FGD4: variants seen among roughly 807,000 people sequenced by gnomAD.
FGD4 encodes the protein FYVE, RhoGEF and PH domain containing 4.
A neutral mutation model predicts 102.0 loss-of-function variants in FGD4; 42 were observed. The ratio of observed to expected loss-of-function variants is 0.41; its 90% confidence interval spans 0.32 to 0.53. The LOEUF is 0.53. Ranked by LOEUF, FGD4 falls within the 20% of genes least tolerant of loss-of-function variation. The probability of loss-of-function intolerance (pLI) is 0.21; values close to 1 mark genes in which losing one functional copy is unlikely to be tolerated. For synonymous variants in FGD4, 380 were observed against 375.7 expected, an observed-to-expected ratio of 1.01 and a Z score of -0.13; for missense variants, 902 against 1,078.2, an observed-to-expected ratio of 0.84 and a Z score of 2.29.
intron 1 of FGD4, among the ~76,000 whole-genome samples, chr12:32,492,680 G>C (rs1944146471): frequency 6.6e-6 from 1 of 152,096 alleles, no homozygotes; most frequent in African/African-American, 2.4e-5. Flanking sequence ...ATGTGTAGAG[G>C]TATATGAATG....
intron 1 of FGD4, among the ~76,000 whole-genome samples, chr12:32,472,596 G>A (rs987215041): frequency 4.6e-5 from 7 of 152,224 alleles, no homozygotes; most frequent in East Asian, 1.9e-4. Flanking sequence ...GCTCCTGTGT[G>A]GCCCAAGCCT....
At chr12:32,402,474 A>T (rs914120481) in intron 1 of FGD4, among the ~76,000 whole-genome samples, 3 of 151,980 alleles carry the variant, frequency 2.0e-5, no homozygotes, top group Non-Finnish European at 4.4e-5. Flanking sequence ...TGTGTTGCCC[A>T]GGATAAGGCT....
At chr12:32,553,931 A>G (rs915463977) in intron 1 of FGD4, among the ~76,000 whole-genome samples, 2 of 152,102 alleles carry the variant, frequency 1.3e-5, no homozygotes, top group African/African-American at 2.4e-5. Flanking sequence ...AGAAACCCCA[A>G]TTTTTAAAAA....
intron 1 of FGD4, among the ~76,000 whole-genome samples, chr12:32,466,682 A>G (rs1166589824): frequency 2.6e-5 from 4 of 152,060 alleles, no homozygotes; most frequent in African/African-American, 9.7e-5. Flanking sequence ...AGCCTGGCCA[A>G]TATGGCGTAA....
intron 1 of FGD4, among the ~76,000 whole-genome samples, chr12:32,413,907 T>G (rs1005873111): frequency 6.6e-6 from 1 of 151,780 alleles, no homozygotes; most frequent in African/African-American, 2.4e-5. Context: ...CAGCCTCATC[T>G]TGTACTTTTG....
intron 1 of FGD4, among the ~76,000 whole-genome samples, chr12:32,529,273 C>T (rs116750671): frequency 9.9e-5 from 15 of 151,838 alleles, no homozygotes; most frequent in South Asian, 2.1e-4. Context: ...CACCACCACG[C>T]GCACCACCAC....
chr12:32,530,947 T>G (rs1473537079), intron 1 of FGD4, among the ~76,000 whole-genome samples: 1 of 122,606 alleles, frequency 8.2e-6, no homozygotes, highest in African/African-American at 3.4e-5. Flanking sequence ...TTTGGTTTTT[T>G]TTTTTTTTTT....
At chr12:32,569,975 G>A (rs1480621280) in intron 2 of FGD4, among the ~76,000 whole-genome samples, 1 of 152,114 alleles carries the variant, frequency 6.6e-6, no homozygotes, top group Non-Finnish European at 1.5e-5. Context: ...GGGCGTGGTG[G>A]CTCACGCCTG....
rs1387676067 is a variant in FGD4 at position 32,619,785 on chromosome 12, A to G, written c.1837A>G (p.Met613Val). Residue 613 changes from methionine to valine, a missense_variant, in exon 11 of 17, where the codon ATG (methionine) becomes GTG (valine). By Grantham distance (21) the Met-to-Val change is conservative (BLOSUM62 1). Around this residue, in one of 2 missense-constraint regions of FGD4, gnomAD observed 459 missense variants for 619.0 expected, o/e 0.74. Coordinates refer to ENST00000534526, the MANE Select transcript of FGD4 (RefSeq NM_001370298.3). ...TVRTRVGIDGMKIVETQNEEY... is the reference protein window; with the variant it reads ...TVRTRVGIDGVKIVETQNEEY... ...TCGAACCAGGGTTGGCATTGATGGA[A>G]TGAAAATTGTAGAGACTCAAAATGA... 2 of 1,614,176 alleles carry G rather than the reference A, an allele frequency of 1.2e-6. No homozygotes were observed. Among genetic ancestry groups the G allele is most frequent in the South Asian group, 1.1e-5 (1 of 91,082 alleles).
At chr12:32,468,754 T>C (rs1157031580) in intron 1 of FGD4, among the ~76,000 whole-genome samples, 1 of 152,146 alleles carries the variant, frequency 6.6e-6, no homozygotes, top group Non-Finnish European at 1.5e-5. Flanking sequence ...GAAGAAAAGA[T>C]ATTGTAACCA....
chr12:32,415,414 CTTTTTT>C (rs34612851), intron 1 of FGD4, among the ~76,000 whole-genome samples: 5 of 89,626 alleles, frequency 5.6e-5, no homozygotes, highest in Non-Finnish European at 2.0e-5. Flanking sequence ...ATCTGTCTCT[CTTTTTT>C]TTTTTTTTTT....
intron 2 of FGD4, among the ~76,000 whole-genome samples, chr12:32,569,549 G>T (rs1029425287): frequency 6.6e-6 from 1 of 152,060 alleles, no homozygotes. Flanking sequence ...AGCTTTTCAC[G>T]GAGGCCTGAC....
intron 1 of FGD4, among the ~76,000 whole-genome samples, chr12:32,407,110 C>G (rs2136387163): frequency 7.0e-6 from 1 of 143,150 alleles, no homozygotes; most frequent in Non-Finnish European, 1.5e-5. Flanking sequence ...CACGCCCGGC[C>G]AAGAAGCTGT....
intron 1 of FGD4, among the ~76,000 whole-genome samples, chr12:32,472,007 C>A (rs1565760104): frequency 6.6e-6 from 1 of 152,200 alleles, no homozygotes; most frequent in Admixed American, 6.5e-5. Flanking sequence ...TTCACACATG[C>A]ACGATAGAGC....
At chr12:32,562,391 T>C (rs1296875417) in intron 1 of FGD4, among the ~76,000 whole-genome samples, 1 of 152,220 alleles carries the variant, frequency 6.6e-6, no homozygotes, top group African/African-American at 2.4e-5. Context: ...TTTTGTTTTA[T>C]GGGGTCAGGG....
chr12:32,619,992 G>A (rs1949704662), intron 11 of FGD4, 122 bp downstream of exon 11: 1 of 1,179,684 alleles, frequency 8.5e-7, no homozygotes, highest in Non-Finnish European at 1.2e-6. Flanking sequence ...ACTCTGGTTG[G>A]ATGTAAATGC....
intron 3 of FGD4, 60 bp from the exon 4 acceptor site, chr12:32,581,900 T>C (rs777005024): frequency 2.5e-6 from 4 of 1,591,518 alleles, no homozygotes; most frequent in African/African-American, 1.3e-5. Context: ...TAAACTTGTC[T>C]TAATTCTAGA....
intron 1 of FGD4, among the ~76,000 whole-genome samples, chr12:32,549,850 G>C (rs17538095): frequency 0.067 from 10,217 of 152,218 alleles, 385 homozygotes; most frequent in South Asian, 0.14. Flanking sequence ...CACTAGCAAT[G>C]TTGCGAAGTA....
intron 10 of FGD4, among the ~76,000 whole-genome samples, chr12:32,618,777 C>T (rs1949604483): frequency 6.6e-6 from 1 of 152,036 alleles, no homozygotes; most frequent in Non-Finnish European, 1.5e-5. Flanking sequence ...TCAAGACCAG[C>T]CTGGGCAACA....
Sources: allele counts gnomAD v4.1 joint callset (sites outside exome capture counted in the v4.1 genomes callset), GRCh38; gene constraint gnomAD v4.1.1; regional missense constraint gnomAD v4.1.1; transcripts MANE v1.5; gene names NCBI Gene and HGNC (gene_info 2026-07-23, HGNC 2026-07-21).